SSR2: variants seen among roughly 807,000 people sequenced by gnomAD.
SSR2 encodes signal sequence receptor subunit 2, also known as translocon-associated protein subunit beta.
In SSR2, 16 loss-of-function variants were observed where a neutral mutation model predicts 22.6. The ratio of observed to expected loss-of-function variants is 0.71; its 90% confidence interval spans 0.48 to 1.08. SSR2 has a LOEUF of 1.08. Ranked by LOEUF, SSR2 falls within the 50% of genes least tolerant of loss-of-function variation. The pLI is 0.00. For missense variants in SSR2, 171 were observed against 221.6 expected (o/e 0.77, Z 1.45); for synonymous variants, 83 against 91.2 (o/e 0.91, Z 0.51).
At chr1:156,017,475 G>A (rs868602601) in intron 3 of SSR2, among the ~76,000 whole-genome samples, 83 of 150,928 alleles carry the variant, frequency 5.5e-4, no homozygotes, top group Middle Eastern at 3.6e-3. Flanking sequence ...TCAGCCTCCC[G>A]AGTAGCTGGG....
At chr1:156,017,665 C>T (rs1572258243) in intron 3 of SSR2, among the ~76,000 whole-genome samples, 1 of 149,198 alleles carries the variant, frequency 6.7e-6, no homozygotes, top group Admixed American at 6.8e-5. Context: ...CTTTTAAAAG[C>T]ACCTTAAATA....
intron 3 of SSR2, among the ~76,000 whole-genome samples, chr1:156,017,739 GTTTTTTTTTT>G (rs757236241): frequency 7.4e-4 from 46 of 61,886 alleles, no homozygotes; most frequent in African/African-American, 3.0e-3. Flanking sequence ...TATGTTTCAG[GTTTTTTTTTT>G]TTTTTTTTTT....
intron 3 of SSR2, among the ~76,000 whole-genome samples, chr1:156,017,099 T>A (rs1038090801): frequency 5.9e-5 from 9 of 152,292 alleles, no homozygotes; most frequent in East Asian, 5.8e-4. Context: ...AAGGCTGGAG[T>A]ACAGCAGCAC....
chr1:156,018,436 G>A, intron 2 of SSR2, 68 bp from the exon 3 acceptor site: 9 of 1,318,998 alleles, frequency 6.8e-6, no homozygotes, highest in South Asian at 6.0e-5. Flanking sequence ...GCCGGGCGCC[G>A]TGGCTCACGC....
chr1:156,015,546 A>ATG (rs1294870827), intron 3 of SSR2, among the ~76,000 whole-genome samples: 12 of 130,468 alleles, frequency 9.2e-5, no homozygotes, highest in Non-Finnish European at 3.2e-5. Context: ...ATATATATAT[A>ATG]TATATATATA....
chr1:156,014,992 G>C lies in SSR2; in HGVS notation c.332C>G (p.Thr111Ser), dbSNP rs747298048. Reference protein sequence around the residue: ...GYFNFTSATITYLAQEDGPVV... With the variant: ...GYFNFTSATISYLAQEDGPVV... ...GGGCCCATCCTCCTGGGCCAGGTAA[G>C]TAATTGTTGCCGAGGTGAAGTTGAA... The change falls in exon 4 of 6, where the codon ACT becomes AGT. Residue 111 changes from threonine to serine, a missense_variant. By Grantham distance (58) the Thr-to-Ser change is moderately conservative. Transcript: ENST00000295702. 4 of 1,614,028 alleles carry C rather than the reference G, an allele frequency of 2.5e-6. No individual in the cohort carries two copies. Among genetic ancestry groups the C allele is most frequent in the Non-Finnish European group, 3.4e-6 (4 of 1,179,942 alleles).
intron 3 of SSR2, among the ~76,000 whole-genome samples, chr1:156,016,392 C>A (rs1683057937): frequency 1.3e-5 from 2 of 151,928 alleles, no homozygotes; most frequent in Admixed American, 1.3e-4. Flanking sequence ...CGCCACCACG[C>A]CTGGCTAATT....
intron 3 of SSR2, chr1:156,018,038 C>T (rs573557902): frequency 8.9e-5 from 32 of 360,682 alleles, no homozygotes; most frequent in East Asian, 5.4e-5. Context: ...CATGAGCCAC[C>T]GTGCCCAGCT....
chr1:156,012,754 A>T (rs899529109), intron 4 of SSR2: 1 of 303,532 alleles, frequency 3.3e-6, no homozygotes, highest in Non-Finnish European at 6.7e-6. Context: ...GGTATGGAGG[A>T]TCACACATTT....
chr1:156,020,707 G>T, intron 1 of SSR2, 181 bp downstream of exon 1: 1 of 351,428 alleles, frequency 2.8e-6, no homozygotes, highest in South Asian at 2.1e-5. Context: ...CCCACGGGCG[G>T]GGGGGCGGGG....
At position 156,018,365 on chromosome 1, in the gene SSR2, AG is replaced by A; in HGVS notation, c.158del (p.Ala53ValfsTer3). On this transcript the variant is annotated frameshift_variant and splice_region_variant, in exon 3 of 6. Coordinates refer to ENST00000295702, the MANE Select transcript of SSR2 (RefSeq NM_003145.4). LOFTEE classifies it high-confidence loss of function. Reference protein sequence around the residue: ...QYNIYNVGSSAALDVELSDDS... With the variant: ...QYNIYNVGSSXALDVELSDDS... ...CATCAGATAGTTCCACGTCTAATGC[AG>A]CACTAGAAAATGGATGAAACAAAAA... is the stretch of plus-strand genomic sequence containing the variant. The A allele has an allele frequency of 6.2e-7, 1 of 1,612,708 alleles. No individual in the cohort carries two copies. The highest frequency in any genetic ancestry group is 2.2e-5 in the East Asian group (1 of 44,854).
At chr1:156,020,561 TC>T in intron 1 of SSR2, 2 of 298,868 alleles carry the variant, frequency 6.7e-6, no homozygotes, top group Non-Finnish European at 1.3e-5. Flanking sequence ...TTCCCGCTGC[TC>T]CCCTCCTCCT....
intron 2 of SSR2, 37 bp from the exon 3 acceptor site, chr1:156,018,405 A>G: frequency 6.4e-7 from 1 of 1,558,680 alleles, no homozygotes; most frequent in Non-Finnish European, 8.8e-7. Context: ...TTAGTAAGTA[A>G]TGGATATAAA....
chr1:156,020,866 C>T, intron 1 of SSR2, 22 bp downstream of exon 1: 1 of 469,358 alleles, frequency 2.1e-6, no homozygotes, highest in Non-Finnish European at 4.4e-6. Flanking sequence ...CCCGTTCGGA[C>T]GCCCTAAGCC....
At chr1:156,016,785 T>A (rs975755144) in intron 3 of SSR2, among the ~76,000 whole-genome samples, 1 of 152,090 alleles carries the variant, frequency 6.6e-6, no homozygotes, top group Non-Finnish European at 1.5e-5. Flanking sequence ...ATTTCTCCCT[T>A]GCCATTCTAA....
At chr1:156,014,829 C>A (rs1323834084) in intron 4 of SSR2, 132 bp downstream of exon 4, 2 of 742,364 alleles carry the variant, frequency 2.7e-6, no homozygotes, top group East Asian at 2.8e-5. Context: ...GTGTGAGCCA[C>A]TGCGCCCAGT....
At chr1:156,020,521 G>C (rs1683132375) in intron 1 of SSR2, 1 of 308,984 alleles carries the variant, frequency 3.2e-6, no homozygotes. Flanking sequence ...GGAGCCTGTA[G>C]CTTTCCCTCA....
At chr1:156,020,835 G>T in intron 1 of SSR2, 53 bp downstream of exon 1, 1 of 459,800 alleles carries the variant, frequency 2.2e-6, no homozygotes, top group Non-Finnish European at 4.6e-6. Flanking sequence ...GGTGATGCGC[G>T]GACACGAGGC....
intron 2 of SSR2, 42 bp downstream of exon 2, chr1:156,019,971 C>A: frequency 6.3e-7 from 1 of 1,586,012 alleles, no homozygotes; most frequent in Non-Finnish European, 8.6e-7. Flanking sequence ...AACTAAGAAT[C>A]CAGAAATAGG....
Sources: allele counts gnomAD v4.1 joint callset (sites outside exome capture counted in the v4.1 genomes callset), GRCh38; gene constraint gnomAD v4.1.1; transcripts MANE v1.5; gene names NCBI Gene and HGNC (gene_info 2026-07-23, HGNC 2026-07-21).